The following MYO3A variants were observed in gnomAD, a reference collection of about 807,000 sequenced individuals.
MYO3A encodes myosin-IIIa.
MYO3A carries 180 observed loss-of-function variants against 192.7 expected under a neutral mutation model. The observed-to-expected ratio is 0.93, with a 90% CI of 0.83 to 1.06. The LOEUF (loss-of-function observed/expected upper bound fraction) is 1.06, where lower values mean the gene tolerates loss of function less well. MYO3A is among the 50% of genes least tolerant of loss of function. The pLI is 0.00. For missense variants in MYO3A, 1,896 were observed against 1,905.0 expected, an observed-to-expected ratio of 1.00 and a Z score of 0.09; for synonymous variants, 628 against 645.3, an observed-to-expected ratio of 0.97 and a Z score of 0.41.
At chr10:26,086,552 A>C (rs1338124936) in intron 14 of MYO3A, among the ~76,000 whole-genome samples, 1 of 151,920 alleles carries the variant, frequency 6.6e-6, no homozygotes, top group Non-Finnish European at 1.5e-5. Flanking sequence ...AGATGTGTTG[A>C]CCTAGTGGCT....
intron 6 of MYO3A, among the ~76,000 whole-genome samples, chr10:26,000,317 C>A (rs184749025): frequency 5.3e-5 from 8 of 152,174 alleles, no homozygotes; most frequent in Non-Finnish European, 1.0e-4. Flanking sequence ...GAAAATACTT[C>A]GAAATTTATT....
At chr10:26,053,398 A>C (rs72795835) in intron 10 of MYO3A, among the ~76,000 whole-genome samples, 1 of 152,108 alleles carries the variant, frequency 6.6e-6, no homozygotes, top group Non-Finnish European at 1.5e-5. Context: ...CTAGGAGTAC[A>C]GGGTATGTCA....
At chr10:26,064,872 T>C (rs556268226) in intron 10 of MYO3A, among the ~76,000 whole-genome samples, 2 of 152,264 alleles carry the variant, frequency 1.3e-5, no homozygotes, top group East Asian at 3.9e-4. Flanking sequence ...TTTAGGAGTG[T>C]GGTTTGGGAT....
chr10:26,044,404 T>C (rs72793977), intron 10 of MYO3A, among the ~76,000 whole-genome samples: 24,648 of 152,088 alleles, frequency 0.16, 2,262 homozygotes, highest in Non-Finnish European at 0.21. Context: ...TTTAGCACCC[T>C]AGAGCACTGT....
chr10:26,036,762 T>C (rs973593394), intron 10 of MYO3A, among the ~76,000 whole-genome samples: 6 of 152,230 alleles, frequency 3.9e-5, no homozygotes, highest in Admixed American at 1.3e-4. Flanking sequence ...TGGGGCCACT[T>C]GCTGGTTGCT....
chr10:26,202,798 T>G lies in MYO3A; in HGVS notation c.4587-166T>G, dbSNP rs529452298. The G allele has an allele frequency of 4.2e-6, 3 of 711,996 alleles. No individual in the cohort carries two copies. The Admixed American group carries it at 8.8e-5, about 21-fold the overall frequency. The allele number at this position is 711,996 out of a possible 1,614,324, so 44.1% of individuals were successfully genotyped here. A position where few individuals can be genotyped will look rare whatever the true frequency, so the allele number is the denominator to read the frequency against. On this transcript the variant is annotated intron_variant, in intron 33 of 34. Coordinates refer to ENST00000642920, the MANE Select transcript of MYO3A (RefSeq NM_017433.5). ...TATGAAGGTTTTTCTTTTTTACTTA[T>G]GGGATACACTGTTTTTCCCACATTT...
At chr10:26,029,792 T>C (rs1053370727) in intron 10 of MYO3A, among the ~76,000 whole-genome samples, 1 of 152,138 alleles carries the variant, frequency 6.6e-6, no homozygotes, top group African/African-American at 2.4e-5. Flanking sequence ...GATTATTGAG[T>C]TCATTTGTTT....
chr10:26,080,831 C>T (rs962593826), intron 14 of MYO3A, among the ~76,000 whole-genome samples: 1 of 152,116 alleles, frequency 6.6e-6, no homozygotes, highest in African/African-American at 2.4e-5. Flanking sequence ...TCTTCTGGGT[C>T]AAGCCACCCA....
At chr10:26,166,342 T>C in intron 27 of MYO3A, 164 bp downstream of exon 27, 2 of 702,412 alleles carry the variant, frequency 2.8e-6, no homozygotes, top group East Asian at 5.5e-5. Flanking sequence ...TTCTTTTTCG[T>C]CAACATTAAA....
intron 2 of MYO3A, among the ~76,000 whole-genome samples, chr10:25,938,932 A>G (rs1278839289): frequency 6.6e-6 from 1 of 152,110 alleles, no homozygotes; most frequent in African/African-American, 2.4e-5. Flanking sequence ...TCACCAATAG[A>G]TTTGGTCATT....
At chr10:26,152,234 A>G (rs184729868) in intron 23 of MYO3A, among the ~76,000 whole-genome samples, 2 of 152,360 alleles carry the variant, frequency 1.3e-5, no homozygotes, top group East Asian at 3.9e-4. Context: ...ATTCACCCAG[A>G]TGTGCAAACA....
intron 10 of MYO3A, among the ~76,000 whole-genome samples, chr10:26,064,881 A>G (rs1468933349): frequency 6.6e-6 from 1 of 152,174 alleles, no homozygotes; most frequent in African/African-American, 2.4e-5. Flanking sequence ...GTGGTTTGGG[A>G]TGTGTCTGTC....
chr10:26,174,029 A>C lies in MYO3A; in HGVS notation c.3765A>C (p.Ala1255=). 1.2e-6 allele frequency: 2 copies of C among 1,613,182 alleles called. No homozygotes were observed. The highest frequency in any genetic ancestry group is 1.7e-6 in the Non-Finnish European group (2 of 1,179,840). ...AGAGGAATTGTGAAGAGTCAAAAGC[A>C]GCATATCTAGAAAGGAAGGCCATAT... ...TEERNCEESK[A]AYLERKAISE... Residue 1255 remains alanine (A), a synonymous_variant, in exon 30 of 35, where the codon GCA becomes GCC. Transcript: ENST00000642920.
rs192242160 is a variant in MYO3A at position 26,065,884 on chromosome 10, G to A, written c.954-1091G>A. 3.0e-4 allele frequency among the ~76,000 whole-genome samples: 34 copies of A among 111,578 alleles called. 12 individuals are homozygous for A. Among genetic ancestry groups the A allele is most frequent in the Non-Finnish European group, 5.9e-4 (27 of 45,838 alleles). 73.2% of individuals were successfully genotyped at this position (111,578 alleles called of 152,430 possible). On this transcript the variant is annotated intron_variant, in intron 10 of 34. Coordinates refer to ENST00000642920, the MANE Select transcript of MYO3A (RefSeq NM_017433.5). ...TGTAATCCCAGCACTTTGGGAGGCC[G>A]AGACGGGCGGATCACGAGGTCAGGA...
chr10:25,962,679 T>G (rs1272249974), intron 4 of MYO3A, among the ~76,000 whole-genome samples: 1 of 152,162 alleles, frequency 6.6e-6, no homozygotes, highest in Non-Finnish European at 1.5e-5. Context: ...CTTTTACCCC[T>G]GATATCTACT....
chr10:26,185,773 A>G lies in MYO3A; in HGVS notation c.4439-7432A>G, dbSNP rs2051085. Among the ~76,000 whole-genome samples the G allele has an allele frequency of 3.6e-3, 550 of 152,016 alleles. 3 individuals carry two copies. Among genetic ancestry groups the G allele is most frequent in the African/African-American group, 0.013 (524 of 41,420 alleles). On this transcript the variant is annotated intron_variant, in intron 31 of 34. Coordinates refer to ENST00000642920, the MANE Select transcript of MYO3A (RefSeq NM_017433.5). Reference sequence around the variant, plus strand: ...GGGAACTAGTATTATAGAAAATGTAATTTTTCATATTTTTTGCAGATGTGC... The same window carrying G: ...GGGAACTAGTATTATAGAAAATGTAGTTTTTCATATTTTTTGCAGATGTGC...
chr10:25,947,378 CTTTTCT>C (rs1836912996), intron 2 of MYO3A, among the ~76,000 whole-genome samples: 2 of 132,268 alleles, frequency 1.5e-5, no homozygotes, highest in South Asian at 2.4e-4. Flanking sequence ...GGTATTATTT[CTTTTCT>C]TTTTCTTTTT....
intron 17 of MYO3A, among the ~76,000 whole-genome samples, chr10:26,108,411 T>C (rs1279353343): frequency 6.6e-6 from 1 of 152,212 alleles, no homozygotes; most frequent in African/African-American, 2.4e-5. Context: ...AAAAACTAAT[T>C]CTTCAATTAT....
intron 10 of MYO3A, among the ~76,000 whole-genome samples, chr10:26,042,457 G>T (rs1843404207): frequency 6.6e-6 from 1 of 151,864 alleles, no homozygotes; most frequent in Non-Finnish European, 1.5e-5. Flanking sequence ...TTTCCCTTTT[G>T]GGGGTATTTT....
Sources: allele counts gnomAD v4.1 joint callset (sites outside exome capture counted in the v4.1 genomes callset), GRCh38; gene constraint gnomAD v4.1.1; transcripts MANE v1.5; gene names NCBI Gene and HGNC (gene_info 2026-07-23, HGNC 2026-07-21).